Variants in MYL12B observed in about 807,000 individuals in gnomAD.
MYL12B encodes the protein myosin regulatory light chain 12B.
In MYL12B, 3 loss-of-function variants were observed where a neutral mutation model predicts 12.9. The observed-to-expected ratio is 0.23, with a 90% CI of 0.11 to 0.60. The LOEUF (loss-of-function observed/expected upper bound fraction) is 0.60, where lower values mean the gene tolerates loss of function less well. MYL12B is among the 20% of genes least tolerant of loss of function. The pLI is 0.89. For synonymous variants in MYL12B, 57 were observed against 71.9 expected, an observed-to-expected ratio of 0.79 and a Z score of 1.05; for missense variants, 120 against 215.4, an observed-to-expected ratio of 0.56 and a Z score of 2.77.
intron 2 of MYL12B, among the ~76,000 whole-genome samples, chr18:3,275,327 G>A (rs1187369542): frequency 6.6e-6 from 1 of 152,118 alleles, no homozygotes; most frequent in Non-Finnish European, 1.5e-5. Context: ...GAAGGGCAGG[G>A]AGAAGAGTGG....
intron 1 of MYL12B, among the ~76,000 whole-genome samples, chr18:3,267,791 C>G (rs1231641294): frequency 9.9e-5 from 15 of 152,130 alleles, no homozygotes; most frequent in Admixed American, 7.9e-4. Flanking sequence ...TATAGTCATT[C>G]ATCTGTATCT....
chr18:3,273,859 T>TTCTC (rs1181341070), intron 2 of MYL12B, among the ~76,000 whole-genome samples: 8 of 104,864 alleles, frequency 7.6e-5, no homozygotes, highest in African/African-American at 2.1e-4. Context: ...GGGTTTTTTT[T>TTCTC]TTCTCTCTTT....
chr18:3,277,121 CTTAAAG>C (rs1193103707), intron 2 of MYL12B, 126 bp from the exon 3 acceptor site: 4 of 1,257,262 alleles, frequency 3.2e-6, no homozygotes, highest in African/African-American at 1.5e-5. Flanking sequence ...TTAAAATGTT[CTTAAAG>C]TTAATTGAAA....
intron 1 of MYL12B, among the ~76,000 whole-genome samples, chr18:3,270,221 T>G (rs1364992397): frequency 6.6e-6 from 1 of 152,212 alleles, no homozygotes; most frequent in Non-Finnish European, 1.5e-5. Context: ...TCAGATTGAT[T>G]ATTTTGATGC....
chr18:3,269,579 C>G (rs971835608), intron 1 of MYL12B, among the ~76,000 whole-genome samples: 5 of 152,100 alleles, frequency 3.3e-5, no homozygotes, highest in African/African-American at 1.2e-4. Context: ...GTGGCATATC[C>G]AGATGGGTGC....
intron 2 of MYL12B, chr18:3,276,818 C>G (rs948990548): frequency 1.4e-5 from 9 of 642,420 alleles, no homozygotes; most frequent in African/African-American, 4.0e-5. Context: ...AGGTGGATCA[C>G]TTGAGCTCAG....
intron 2 of MYL12B, 47 bp downstream of exon 2, chr18:3,273,129 G>C: frequency 6.7e-7 from 1 of 1,501,450 alleles, no homozygotes; most frequent in South Asian, 1.3e-5. Context: ...ATAATAATTT[G>C]TCTCTTTATG....
intron 1 of MYL12B, among the ~76,000 whole-genome samples, chr18:3,270,564 G>GT (rs1005808504): frequency 6.6e-6 from 1 of 152,042 alleles, no homozygotes; most frequent in African/African-American, 2.4e-5. Flanking sequence ...TTCTGTCTTG[G>GT]TATCAGCTTC....
chr18:3,271,706 C>T (rs111873143), intron 1 of MYL12B, among the ~76,000 whole-genome samples: 48 of 152,224 alleles, frequency 3.2e-4, no homozygotes, highest in Non-Finnish European at 6.0e-4. Context: ...TAGCTAGTAA[C>T]GGTGGAGCTG....
intron 1 of MYL12B, among the ~76,000 whole-genome samples, chr18:3,267,691 G>C (rs1371862885): frequency 6.6e-6 from 1 of 151,968 alleles, no homozygotes. Flanking sequence ...TATTATAATT[G>C]TTCTATTTTA....
intron 1 of MYL12B, chr18:3,271,916 G>A (rs1441984816): frequency 4.3e-6 from 1 of 231,102 alleles, no homozygotes; most frequent in Non-Finnish European, 7.1e-6. Context: ...GGGAAGAAGA[G>A]AAAAGGGGCT....
Position 3,264,042 on chromosome 18 carries a change from G to C in MYL12B, c.-16+1805G>C, listed in dbSNP as rs779307821. Among the ~76,000 whole-genome samples, 8 of 152,168 alleles carry C rather than the reference G, an allele frequency of 5.3e-5. No individual in the cohort carries two copies. The East Asian group carries it at 1.2e-3, about 22-fold the overall frequency. On this transcript the variant is annotated intron_variant, in intron 1 of 3. Transcript: ENST00000237500. The stretch of plus-strand genomic sequence containing the variant: ...ATACAAAATGCTTAAATCAGTGCCT[G>C]GCACATCTTTAGCACCCAGTTGTCC...
chr18:3,270,499 A>C (rs561639146), intron 1 of MYL12B, among the ~76,000 whole-genome samples: 1 of 152,208 alleles, frequency 6.6e-6, no homozygotes, highest in Non-Finnish European at 1.5e-5. Context: ...CAGGCTAACT[A>C]ACTCCCTATT....
At chr18:3,266,303 C>A (rs2081633743) in intron 1 of MYL12B, among the ~76,000 whole-genome samples, 1 of 152,246 alleles carries the variant, frequency 6.6e-6, no homozygotes, top group South Asian at 2.1e-4. Flanking sequence ...GATCTCTCCA[C>A]AGGGCTGTGT....
intron 1 of MYL12B, among the ~76,000 whole-genome samples, chr18:3,264,903 G>T (rs1019244524): frequency 1.3e-5 from 2 of 152,096 alleles, no homozygotes; most frequent in Non-Finnish European, 2.9e-5. Flanking sequence ...GGTTACATGG[G>T]TATACACATT....
At chr18:3,272,842 C>T in intron 1 of MYL12B, 42 bp from the exon 2 acceptor site, 2 of 1,479,606 alleles carry the variant, frequency 1.4e-6, no homozygotes, top group South Asian at 1.5e-5. Flanking sequence ...TTGTTTTATA[C>T]ATTGTTTTGT....
intron 2 of MYL12B, among the ~76,000 whole-genome samples, chr18:3,273,861 T>TTTC (rs57723482): frequency 2.1e-5 from 3 of 143,018 alleles, no homozygotes; most frequent in Middle Eastern, 3.5e-3. Flanking sequence ...GTTTTTTTTT[T>TTTC]CTCTCTTTTA....
intron 2 of MYL12B, chr18:3,276,306 A>T: frequency 2.7e-6 from 1 of 370,158 alleles, no homozygotes; most frequent in Non-Finnish European, 3.7e-6. Context: ...ATTCAAACCC[A>T]GTATTCCAGA....
In MYL12B at chr18:3,277,374, C is replaced by T; in HGVS notation, c.306C>T (p.Val102=). 1.2e-6 allele frequency: 2 copies of T among 1,614,044 alleles called. No homozygotes were observed. Among genetic ancestry groups the T allele is most frequent in the Non-Finnish European group, 1.7e-6 (2 of 1,179,974 alleles). The change falls in exon 3 of 4, where the codon GTC becomes GTT. Residue 102 remains valine (V), a synonymous_variant. Transcript: ENST00000237500. ...TAAATGGCACAGATCCTGAAGATGT[C>T]ATCAGAAACGCCTTTGCTTGCTTTG... is the stretch of plus-strand genomic sequence containing the variant. ...EKLNGTDPED[V]IRNAFACFDE...
Sources: allele counts gnomAD v4.1 joint callset (sites outside exome capture counted in the v4.1 genomes callset), GRCh38; gene constraint gnomAD v4.1.1; transcripts MANE v1.5; gene names NCBI Gene and HGNC (gene_info 2026-07-23, HGNC 2026-07-21).